Variants in PDE7B observed in about 807,000 individuals in gnomAD.
PDE7B encodes the protein 3',5'-cyclic-AMP phosphodiesterase 7B.
In PDE7B, 29 loss-of-function variants were observed where a neutral mutation model predicts 56.2. The ratio of observed to expected loss-of-function variants is 0.52; its 90% CI spans 0.38 to 0.70. The LOEUF is 0.70. Among genes scored for constraint, PDE7B ranks in the 30% least tolerant of loss-of-function variants. PDE7B has a pLI of 0.00. For synonymous variants in PDE7B, 197 were observed against 196.9 expected, an observed-to-expected ratio of 1.00 and a Z score of 0.00; for missense variants, 490 against 565.0, an observed-to-expected ratio of 0.87 and a Z score of 1.35.
chr6:136,108,449 ATAAAAAGACTTTTGTCTT>A (rs1777689702), intron 2 of PDE7B, among the ~76,000 whole-genome samples: 1 of 152,154 alleles, frequency 6.6e-6, no homozygotes, highest in Non-Finnish European at 1.5e-5. Context: ...CCTGGGAAGC[ATAAAAAGACTTTTGTCTT>A]TTTATGGAAA....
At chr6:136,098,142 G>C (rs912037948) in intron 2 of PDE7B, 2 of 134,476 alleles carry the variant, frequency 1.5e-5, no homozygotes, top group African/African-American at 3.0e-5. Flanking sequence ...CTGGGGGGGG[G>C]GGGGGAAATA....
intron 2 of PDE7B, chr6:136,064,752 T>A (rs139752530): frequency 6.6e-6 from 1 of 152,196 alleles, no homozygotes; most frequent in Non-Finnish European, 1.5e-5. Flanking sequence ...TGTCACTCTT[T>A]CTGGAGGGCC....
At chr6:135,865,291 A>G (rs1297530630) in intron 1 of PDE7B, among the ~76,000 whole-genome samples, 3 of 151,766 alleles carry the variant, frequency 2.0e-5, no homozygotes, top group Non-Finnish European at 1.5e-5. Flanking sequence ...CATTTTGAAG[A>G]TTTTCTTTAG....
chr6:136,150,934 C>T (rs1484816126), intron 5 of PDE7B, among the ~76,000 whole-genome samples: 1 of 151,818 alleles, frequency 6.6e-6, no homozygotes, highest in Non-Finnish European at 1.5e-5. Context: ...TCTTCATTGT[C>T]TTTGGTGAAG....
At chr6:135,959,318 A>G (rs1774856877) in intron 2 of PDE7B, among the ~76,000 whole-genome samples, 1 of 152,200 alleles carries the variant, frequency 6.6e-6, no homozygotes, top group Non-Finnish European at 1.5e-5. Context: ...TATGAATAGT[A>G]AATATAAGAA....
intron 1 of PDE7B, among the ~76,000 whole-genome samples, chr6:135,865,401 A>C (rs1004265198): frequency 7.2e-5 from 11 of 152,242 alleles, no homozygotes; most frequent in Middle Eastern, 3.4e-3. Context: ...TCGGTCTTAA[A>C]ATTTTTAGGG....
intron 2 of PDE7B, among the ~76,000 whole-genome samples, chr6:136,106,202 C>A (rs1777642766): frequency 6.6e-6 from 1 of 152,214 alleles, no homozygotes; most frequent in African/African-American, 2.4e-5. Flanking sequence ...CTCCTCCATG[C>A]ATCATTTTTA....
At chr6:136,064,302 A>G (rs549515083) in intron 2 of PDE7B, 2 of 152,370 alleles carry the variant, frequency 1.3e-5, no homozygotes, top group South Asian at 4.1e-4. Flanking sequence ...CTCTGTGCAC[A>G]AGGAGCCAAA....
At chr6:136,090,005 A>T (rs1210644041) in intron 2 of PDE7B, among the ~76,000 whole-genome samples, 1 of 152,276 alleles carries the variant, frequency 6.6e-6, no homozygotes, top group East Asian at 1.9e-4. Context: ...ACACACGGTG[A>T]TTACTAGCGA....
At chr6:135,952,194 G>T (rs1340094271) in intron 2 of PDE7B, among the ~76,000 whole-genome samples, 1 of 152,064 alleles carries the variant, frequency 6.6e-6, no homozygotes, top group Admixed American at 6.6e-5. Flanking sequence ...GCATCAATAA[G>T]TTGATGCATA....
chr6:136,017,033 G>A (rs1035689489), intron 2 of PDE7B, among the ~76,000 whole-genome samples: 6 of 152,154 alleles, frequency 3.9e-5, no homozygotes, highest in Non-Finnish European at 8.8e-5. Context: ...GCCAAATGCT[G>A]ACACAAAAGC....
At chr6:136,190,782 C>T (rs1213444990) in intron 12 of PDE7B, among the ~76,000 whole-genome samples, 1 of 152,150 alleles carries the variant, frequency 6.6e-6, no homozygotes. Flanking sequence ...GTCATTAAAG[C>T]TGGACTTTCA....
At chr6:136,075,991 C>T (rs1401238294) in intron 2 of PDE7B, among the ~76,000 whole-genome samples, 4 of 152,080 alleles carry the variant, frequency 2.6e-5, no homozygotes, top group African/African-American at 9.7e-5. Context: ...TACCTGCTTA[C>T]CCCAAAGCCT....
chr6:136,150,262 G>A (rs574246584), intron 5 of PDE7B, among the ~76,000 whole-genome samples: 22 of 152,234 alleles, frequency 1.4e-4, no homozygotes, highest in South Asian at 6.2e-4. Context: ...CCGCAAAATC[G>A]ACAGGGGGAA....
chr6:136,068,407 G>A (rs997171737), intron 2 of PDE7B, among the ~76,000 whole-genome samples: 4 of 149,082 alleles, frequency 2.7e-5, no homozygotes, highest in Admixed American at 6.7e-5. Context: ...AGAAGGGGTT[G>A]TGGAGACCAA....
intron 2 of PDE7B, among the ~76,000 whole-genome samples, chr6:136,061,794 G>A (rs1776848291): frequency 6.6e-6 from 1 of 152,216 alleles, no homozygotes; most frequent in South Asian, 2.1e-4. Flanking sequence ...TAGTGCAAGT[G>A]GAGATTGAGA....
chr6:136,153,156 A>G (rs1445349756), intron 6 of PDE7B, among the ~76,000 whole-genome samples: 1 of 152,238 alleles, frequency 6.6e-6, no homozygotes, highest in African/African-American at 2.4e-5. Flanking sequence ...ATGGCCATGC[A>G]TAGGGCCAAA....
chr6:135,945,989 C>T (rs1774589706), intron 1 of PDE7B, among the ~76,000 whole-genome samples: 1 of 152,040 alleles, frequency 6.6e-6, no homozygotes, highest in African/African-American at 2.4e-5. Flanking sequence ...ATTGATAGCC[C>T]CAGTGTGCCC....
intron 2 of PDE7B, among the ~76,000 whole-genome samples, chr6:136,063,593 A>G (rs933850195): frequency 6.6e-6 from 1 of 152,186 alleles, no homozygotes; most frequent in Non-Finnish European, 1.5e-5. Context: ...AGCTCTGCTT[A>G]TGCTATTCTC....
Sources: allele counts gnomAD v4.1 joint callset (sites outside exome capture counted in the v4.1 genomes callset), GRCh38; gene constraint gnomAD v4.1.1; transcripts MANE v1.5; gene names NCBI Gene and HGNC (gene_info 2026-07-23, HGNC 2026-07-21).